The following TPPP variants were observed in gnomAD, a reference collection of about 807,000 sequenced individuals.
The protein encoded by TPPP is tubulin polymerization promoting protein.
In TPPP, 6 loss-of-function variants were observed where a neutral mutation model predicts 15.5. That is an observed-to-expected ratio of 0.39 (90% confidence interval 0.21 to 0.77). The LOEUF (loss-of-function observed/expected upper bound fraction) is 0.77. Among genes scored for constraint, TPPP ranks in the 30% least tolerant of loss-of-function variants. The pLI is 0.42. For missense variants in TPPP, 269 were observed against 307.2 expected (o/e 0.88, Z 0.93); for synonymous variants, 146 against 133.9 (o/e 1.09, Z -0.63).
intron 1 of TPPP, among the ~76,000 whole-genome samples, chr5:679,683 G>A (rs1304536847): frequency 6.6e-6 from 1 of 152,034 alleles, no homozygotes; most frequent in Non-Finnish European, 1.5e-5. Context: ...AACCTTCTGG[G>A]ATGCTTCAAA....
chr5:678,718 G>C (rs1251751174), intron 1 of TPPP, among the ~76,000 whole-genome samples: 2 of 152,044 alleles, frequency 1.3e-5, no homozygotes, highest in African/African-American at 4.8e-5. Flanking sequence ...CTGCCAGTGT[G>C]CAGGGCTGAG....
At chr5:682,377 C>A (rs1469842932) in intron 1 of TPPP, among the ~76,000 whole-genome samples, 1 of 134,886 alleles carries the variant, frequency 7.4e-6, no homozygotes, top group Non-Finnish European at 1.5e-5. Context: ...CTGGGGTCTG[C>A]CCCTTGGGCC....
chr5:679,608 C>T (rs1740566836), intron 1 of TPPP, among the ~76,000 whole-genome samples: 3 of 152,104 alleles, frequency 2.0e-5, no homozygotes, highest in Admixed American at 1.3e-4. Flanking sequence ...TGAGAAATTA[C>T]CAGAAGCAAT....
At chr5:676,988 A>G (rs925128794) in intron 2 of TPPP, among the ~76,000 whole-genome samples, 1 of 114,582 alleles carries the variant, frequency 8.7e-6, no homozygotes, top group Non-Finnish European at 2.1e-5. Flanking sequence ...CACGACGCAG[A>G]AACGCGCACA....
chr5:667,435 G>A (rs760269438), intron 2 of TPPP, among the ~76,000 whole-genome samples: 18 of 152,080 alleles, frequency 1.2e-4, no homozygotes, highest in East Asian at 7.7e-4. Context: ...AATAGATGAC[G>A]GTCCTAATTA....
Position 664,377 on chromosome 5 carries a change from T to A in TPPP, c.*725A>T, listed in dbSNP as rs1739808856. On this transcript the variant is annotated 3_prime_UTR_variant, in exon 4 of 4. Coordinates refer to ENST00000360578, the MANE Select transcript of TPPP (RefSeq NM_007030.3). ...TCTTCTCAGGAAAGCAAAGCGAGCC[T>A]ACTCTACCCTCACAGTCCAAGCCAC... The A allele has an allele frequency of 6.6e-6, 1 of 152,366 alleles. No homozygotes were observed. Among genetic ancestry groups the A allele is most frequent in the Admixed American group, 6.5e-5 (1 of 15,288 alleles). The allele number at this position is 152,366 out of a possible 1,614,324, so 9.4% of individuals were successfully genotyped here.
intron 1 of TPPP, among the ~76,000 whole-genome samples, chr5:686,547 T>A (rs1324901937): frequency 7.0e-6 from 1 of 143,882 alleles, no homozygotes; most frequent in Non-Finnish European, 1.5e-5. Context: ...CCAGGGCACC[T>A]GCAGGCAGCT....
chr5:674,007 A>G (rs1017264912), intron 2 of TPPP, among the ~76,000 whole-genome samples: 1 of 152,208 alleles, frequency 6.6e-6, no homozygotes, highest in African/African-American at 2.4e-5. Flanking sequence ...AACTTTCTGC[A>G]GAAGGAATCA....
intron 1 of TPPP, among the ~76,000 whole-genome samples, chr5:681,192 C>T (rs1314671115): frequency 7.2e-5 from 11 of 152,294 alleles, no homozygotes; most frequent in Non-Finnish European, 1.0e-4. Flanking sequence ...AGTTTCTGGG[C>T]ACAGCACACC....
At chr5:669,367 G>A (rs907492666) in intron 2 of TPPP, among the ~76,000 whole-genome samples, 5 of 152,166 alleles carry the variant, frequency 3.3e-5, no homozygotes, top group South Asian at 2.1e-4. Context: ...CGCGCTCGGC[G>A]TGGACACCCG....
At chr5:668,787 C>G (rs1740066235) in intron 2 of TPPP, among the ~76,000 whole-genome samples, 3 of 152,250 alleles carry the variant, frequency 2.0e-5, no homozygotes, top group African/African-American at 7.2e-5. Context: ...CAGTGCCCTT[C>G]AGCAGCGGCC....
At chr5:676,861 A>G (rs1740456632) in intron 2 of TPPP, among the ~76,000 whole-genome samples, 1 of 149,730 alleles carries the variant, frequency 6.7e-6, no homozygotes, top group Non-Finnish European at 1.5e-5. Context: ...AAACGCGCAC[A>G]CACGACGCAG....
intron 2 of TPPP, among the ~76,000 whole-genome samples, chr5:670,648 G>A (rs1014162146): frequency 7.9e-5 from 12 of 152,096 alleles, no homozygotes; most frequent in African/African-American, 2.4e-4. Flanking sequence ...CCTGCACGTC[G>A]CTCCGAGTTC....
At chr5:686,235 G>A (rs369183084) in intron 1 of TPPP, among the ~76,000 whole-genome samples, 5 of 152,246 alleles carry the variant, frequency 3.3e-5, no homozygotes, top group South Asian at 2.1e-4. Flanking sequence ...TCGGAGACTC[G>A]GCGGCTGCAG....
At chr5:698,268 C>T (rs34616271), upstream of TPPP, among the ~76,000 whole-genome samples, 1,820 of 151,768 alleles carry the variant, frequency 0.012, no homozygotes, top group African/African-American at 0.042. Flanking sequence ...CATGGATGCC[C>T]ACTTTCACCA....
chr5:669,413 C>T (rs1410267253), intron 2 of TPPP, among the ~76,000 whole-genome samples: 1 of 152,156 alleles, frequency 6.6e-6, no homozygotes, highest in East Asian at 1.9e-4. Flanking sequence ...CCAGGCCACC[C>T]CAGGCAGCCC....
At chr5:693,464 C>G (rs1740952295), upstream of TPPP, 1 of 146,994 alleles carries the variant, frequency 6.8e-6, no homozygotes, top group South Asian at 1.8e-4. Context: ...AGCGTCCCGC[C>G]CCGCGCGCTC....
At chr5:678,195 G>A in intron 1 of TPPP, 131 bp from the exon 2 acceptor site, 1 of 940,798 alleles carries the variant, frequency 1.1e-6, no homozygotes, top group Non-Finnish European at 1.6e-6. Context: ...GGCCCTCCTG[G>A]GGCTGGGCGT....
At position 668,432 on chromosome 5, in the gene TPPP, G is replaced by A. The variant is rs1350085100; in HGVS notation, c.312-2309C>T. ...CACACAGAGAGGGGGCCGCGTGGGC[G>A]CCGTCAGGGAAGTGCGGACAAGCAC... On this transcript the variant is annotated intron_variant, in intron 2 of 3. Coordinates refer to ENST00000360578, the MANE Select transcript of TPPP (RefSeq NM_007030.3). Among the ~76,000 whole-genome samples the A allele has an allele frequency of 5.8e-4, 69 of 119,428 alleles. 2 individuals carry two copies. The highest frequency in any genetic ancestry group is 2.2e-3 in the African/African-American group (68 of 31,100). 78.3% of individuals were successfully genotyped at this position (119,428 alleles called of 152,430 possible).
Sources: gnomAD v4.1 joint callset for allele counts (sites outside exome capture counted in the v4.1 genomes callset) on GRCh38, gnomAD v4.1.1 for gene constraint, MANE v1.5 for transcripts, NCBI Gene and HGNC (gene_info 2026-07-23, HGNC 2026-07-21) for gene names.